Variants in NCKAP5L observed in about 807,000 individuals in gnomAD.
NCKAP5L encodes nck-associated protein 5-like.
A neutral mutation model predicts 103.2 loss-of-function variants in NCKAP5L; 54 were observed. That is an observed-to-expected ratio of 0.52 (90% CI 0.42 to 0.66). The LOEUF is 0.66. NCKAP5L is among the 30% of genes least tolerant of loss of function. The pLI is 0.00. For synonymous variants in NCKAP5L, 762 were observed against 748.6 expected (o/e 1.02, Z -0.29); for missense variants, 1,733 against 1,750.6 (o/e 0.99, Z 0.18).
chr12:49,816,899 A>G (rs920472174), intron 1 of NCKAP5L, among the ~76,000 whole-genome samples: 1 of 152,132 alleles, frequency 6.6e-6, no homozygotes, highest in Non-Finnish European at 1.5e-5. Flanking sequence ...TGAACCGACA[A>G]ACTTACTAGG....
chr12:49,794,887 G>A lies in NCKAP5L; in HGVS notation c.2973C>T (p.Ser991=), dbSNP rs1157345887. The A allele has an allele frequency of 2.7e-6, 4 of 1,508,346 alleles. No individual in the cohort carries two copies. The African/African-American group carries it at 4.2e-5, about 16-fold the overall frequency. 93.4% of individuals were successfully genotyped at this position (1,508,346 alleles called of 1,614,324 possible). Reference sequence around the variant, plus strand: ...GGCCACCAGGCCGTGGCCGGGCCCGGCTGCTTAGGTAGGCCTTCTCCTCTT... The same window carrying A: ...GGCCACCAGGCCGTGGCCGGGCCCGACTGCTTAGGTAGGCCTTCTCCTCTT... ...ALEEEKAYLS[S]RARPRPGGPA... is the part of the protein sequence containing the mutation. The change falls in exon 8 of 13, where the codon AGC becomes AGT. Residue 991 remains serine, a synonymous_variant. Coordinates refer to ENST00000335999, the MANE Select transcript of NCKAP5L (RefSeq NM_001037806.4).
chr12:49,812,096 G>A (rs1480594657), intron 1 of NCKAP5L, among the ~76,000 whole-genome samples: 1 of 152,052 alleles, frequency 6.6e-6, no homozygotes, highest in Non-Finnish European at 1.5e-5. Flanking sequence ...CAATTCAGTG[G>A]TTCTTAGTAT....
At chr12:49,814,260 G>A (rs368344256) in intron 1 of NCKAP5L, among the ~76,000 whole-genome samples, 17 of 150,124 alleles carry the variant, frequency 1.1e-4, no homozygotes, top group African/African-American at 3.6e-4. Context: ...CGAAGTGGGC[G>A]GATCACGAGG....
intron 1 of NCKAP5L, among the ~76,000 whole-genome samples, chr12:49,817,434 CCT>C (rs1946311127): frequency 6.6e-6 from 1 of 152,082 alleles, no homozygotes; most frequent in Admixed American, 6.6e-5. Flanking sequence ...TGAACCTACC[CCT>C]GAGAATCCAA....
Position 49,801,902 on chromosome 12 carries a change from C to A in NCKAP5L, c.297G>T (p.Met99Ile). The A allele has an allele frequency of 6.2e-7, 1 of 1,613,984 alleles. No individual in the cohort carries two copies. Among genetic ancestry groups the A allele is most frequent in the Non-Finnish European group, 8.5e-7 (1 of 1,179,886 alleles). Residue 99 changes from methionine (M) to isoleucine (I), a missense_variant, in exon 6 of 13, where the codon ATG (methionine) becomes ATT (isoleucine). Coordinates refer to ENST00000335999, the MANE Select transcript of NCKAP5L (RefSeq NM_001037806.4). The part of the protein sequence containing the change: ...RVFDLERQNQ[M>I]LSALFQQKLQ... Reference sequence around the variant, plus strand: ...GTTTCTGCTGAAACAGGGCACTCAGCATCTGGTTCTGCCGTTCCAGGTCAA... The same window carrying A: ...GTTTCTGCTGAAACAGGGCACTCAGAATCTGGTTCTGCCGTTCCAGGTCAA...
intron 7 of NCKAP5L, 134 bp downstream of exon 7, chr12:49,798,215 GA>G (rs2137005122): frequency 1.3e-6 from 1 of 796,534 alleles, no homozygotes; most frequent in Non-Finnish European, 2.1e-6. Context: ...TAGGATTGGG[GA>G]TCTGCTTTTT....
chr12:49,815,376 A>G (rs563044281), intron 1 of NCKAP5L, among the ~76,000 whole-genome samples: 7 of 152,276 alleles, frequency 4.6e-5, no homozygotes, highest in African/African-American at 1.4e-4. Flanking sequence ...TTAATCATGT[A>G]TTTATATTGG....
intron 9 of NCKAP5L, 108 bp downstream of exon 9, chr12:49,793,624 AGT>A (rs1945976947): frequency 7.3e-7 from 1 of 1,374,292 alleles, no homozygotes; most frequent in Non-Finnish European, 9.7e-7. Context: ...AGAGACTGTG[AGT>A]GCATCCGGCA....
At chr12:49,800,032 C>T (rs1018867416) in intron 6 of NCKAP5L, among the ~76,000 whole-genome samples, 2 of 152,180 alleles carry the variant, frequency 1.3e-5, no homozygotes, top group African/African-American at 2.4e-5. Context: ...CCTGTCTCTA[C>T]TAAAAATAGA....
In NCKAP5L at chr12:49,793,006, GC is replaced by G. The variant is rs34794507; in HGVS notation, c.3341-21del. 2 of 1,481,778 alleles carry G rather than the reference GC, an allele frequency of 1.3e-6. No homozygotes were observed. The highest frequency in any genetic ancestry group is 1.4e-5 in the African/African-American group (1 of 71,770). 91.8% of individuals were successfully genotyped at this position (1,481,778 alleles called of 1,614,324 possible). A position where few individuals can be genotyped will look rare whatever the true frequency, so the allele number is the denominator to read the frequency against. The stretch of plus-strand genomic sequence containing the variant: ...CACAGGCTGGGGAGGGGAGGGGAGG[GC>G]CCGTTAAGAGTGTGAGGCTGGGCTC... On this transcript the variant is annotated intron_variant, in intron 10 of 12. Coordinates refer to ENST00000335999, the MANE Select transcript of NCKAP5L (RefSeq NM_001037806.4).
chr12:49,819,296 T>C (rs942401755), intron 1 of NCKAP5L, among the ~76,000 whole-genome samples: 2 of 145,418 alleles, frequency 1.4e-5, no homozygotes, highest in Non-Finnish European at 3.0e-5. Flanking sequence ...TGGGCAACGG[T>C]GCAAGACTCC....
chr12:49,798,539 C>A, intron 6 of NCKAP5L, 76 bp from the exon 7 acceptor site: 1 of 1,220,212 alleles, frequency 8.2e-7, no homozygotes, highest in Non-Finnish European at 1.2e-6. Flanking sequence ...GCCAGGCCTT[C>A]CCCTCTGAGT....
At chr12:49,826,180 C>T (rs1349609314) in intron 1 of NCKAP5L, among the ~76,000 whole-genome samples, 2 of 152,054 alleles carry the variant, frequency 1.3e-5, no homozygotes, top group Non-Finnish European at 2.9e-5. Context: ...AGCAGTGGGG[C>T]CCTCCTTGCC....
chr12:49,794,995 C>G lies in NCKAP5L; in HGVS notation c.2865G>C (p.Lys955Asn), dbSNP rs199512021. The G allele has an allele frequency of 3.8e-6, 6 of 1,596,934 alleles. No homozygotes were observed. The highest frequency in any genetic ancestry group is 3.3e-4 in the Middle Eastern group (2 of 6,000). The change falls in exon 8 of 13, where the codon AAG becomes AAC. Residue 955 changes from lysine to asparagine, a missense_variant. Coordinates refer to ENST00000335999, the MANE Select transcript of NCKAP5L (RefSeq NM_001037806.4). ...GGGSPLRREV[K>N]MEARKLEAES... Reference sequence around the variant, plus strand: ...CGGCCTCCAGCTTCCGGGCTTCCATCTTGACTTCCCTCCGGAGCGGGGAGC... The same window carrying G: ...CGGCCTCCAGCTTCCGGGCTTCCATGTTGACTTCCCTCCGGAGCGGGGAGC...
In NCKAP5L at chr12:49,796,293, G is replaced by C; in HGVS notation, c.1567C>G (p.Pro523Ala). 6.5e-7 allele frequency: 1 copy of C among 1,547,088 alleles called. No homozygotes were observed. The highest frequency in any genetic ancestry group is 8.7e-7 in the Non-Finnish European group (1 of 1,145,982). The change falls in exon 8 of 13, where the codon CCT becomes GCT. Residue 523 changes from proline (P) to alanine (A), a missense_variant. Coordinates refer to ENST00000335999, the MANE Select transcript of NCKAP5L (RefSeq NM_001037806.4). Reference protein sequence around the residue: ...PEGAQGLPTSPSPCYTTPDST... With the variant: ...PEGAQGLPTSASPCYTTPDST... ...TCTGGGGTTGTGTAGCAGGGTGAAG[G>C]GCTGGTGGGCAGGCCTTGCGCCCCC...
rs755046043 is a variant in NCKAP5L at position 49,795,490 on chromosome 12, T to C, written c.2370A>G (p.Val790=). ...TTGGCACTTTGGCAGGGGTACGGGG[T>C]ACCTGGGGGCACAGGGCCCCTGCCA... ...SRLAGALCPQ[V]PRTPAKVPTS... is the part of the protein sequence containing the mutation. Residue 790 remains valine, a synonymous_variant, in exon 8 of 13, where the codon GTA becomes GTG. Coordinates refer to ENST00000335999, the MANE Select transcript of NCKAP5L (RefSeq NM_001037806.4). 1.3e-6 allele frequency: 2 copies of C among 1,535,764 alleles called. No homozygotes were observed. Among genetic ancestry groups the C allele is most frequent in the Non-Finnish European group, 8.7e-7 (1 of 1,146,814 alleles).
chr12:49,820,291 C>T (rs1375743020), intron 1 of NCKAP5L, among the ~76,000 whole-genome samples: 1 of 151,546 alleles, frequency 6.6e-6, no homozygotes, highest in Non-Finnish European at 1.5e-5. Flanking sequence ...TAGTGCCCAT[C>T]CCCCAAACTT....
chr12:49,811,331 A>G (rs1946237763), intron 1 of NCKAP5L, among the ~76,000 whole-genome samples: 1 of 152,048 alleles, frequency 6.6e-6, no homozygotes, highest in Non-Finnish European at 1.5e-5. Flanking sequence ...TGAGTAGCAC[A>G]CACCCTCTCC....
rs758027198 is a variant in NCKAP5L, at chr12:49,796,776, A to G, written c.1084T>C (p.Ser362Pro). ...GDHPGPGQSS[S>P]PDQAPPQLSK... The stretch of plus-strand genomic sequence containing the variant: ...AGCTGTGGGGGCGCCTGGTCTGGGG[A>G]GGATGACTGCCCAGGACCTGGGTGG... Residue 362 changes from serine (S) to proline (P), a missense_variant, in exon 8 of 13, where the codon TCC (serine) becomes CCC (proline). By Grantham distance (74) the Ser-to-Pro change is moderately conservative. Transcript: ENST00000335999. The G allele has an allele frequency of 3.7e-6, 6 of 1,613,638 alleles. No individual in the cohort carries two copies. In the South Asian group the frequency reaches 6.6e-5, roughly 18 times the overall value.
Sources: allele counts gnomAD v4.1 joint callset (sites outside exome capture counted in the v4.1 genomes callset), GRCh38; gene constraint gnomAD v4.1.1; transcripts MANE v1.5; gene names NCBI Gene and HGNC (gene_info 2026-07-23, HGNC 2026-07-21).